Variants in CDH12 observed in about 807,000 individuals in gnomAD.
The protein encoded by CDH12 is cadherin 12.
In CDH12, 41 loss-of-function variants were observed where a neutral mutation model predicts 74.1. The ratio of observed to expected loss-of-function variants is 0.55; its 90% CI spans 0.43 to 0.72. The LOEUF (loss-of-function observed/expected upper bound fraction) is 0.72, where lower values mean the gene tolerates loss of function less well. Among genes scored for constraint, CDH12 ranks in the 30% least tolerant of loss-of-function variants. The pLI, the probability that CDH12 is intolerant of heterozygous loss-of-function variation, is 0.00. For missense variants in CDH12, 945 were observed against 977.2 expected, an observed-to-expected ratio of 0.97 and a Z score of 0.44; for synonymous variants, 399 against 355.0, an observed-to-expected ratio of 1.12 and a Z score of -1.39.
intron 3 of CDH12, among the ~76,000 whole-genome samples, chr5:22,391,656 T>A (rs1329201770): frequency 6.6e-6 from 1 of 152,162 alleles, no homozygotes; most frequent in Non-Finnish European, 1.5e-5. Flanking sequence ...ATAACTGATT[T>A]TTTTTTATGA....
intron 6 of CDH12, chr5:21,883,598 T>A: frequency 1.2e-6 from 2 of 1,603,398 alleles, no homozygotes; most frequent in Middle Eastern, 1.7e-4. Flanking sequence ...ATCTTGAAGA[T>A]GTTCAGCCTC....
At chr5:22,048,216 C>A (rs145564419) in intron 5 of CDH12, among the ~76,000 whole-genome samples, 1 of 152,248 alleles carries the variant, frequency 6.6e-6, no homozygotes, top group Admixed American at 6.5e-5. Context: ...CTAACTCTAT[C>A]TATTGCTTTC....
chr5:22,267,590 A>G (rs985497583), intron 3 of CDH12, among the ~76,000 whole-genome samples: 1 of 152,174 alleles, frequency 6.6e-6, no homozygotes, highest in Non-Finnish European at 1.5e-5. Flanking sequence ...AAAGTCCATG[A>G]ACTGATTCAA....
At chr5:21,854,063 A>G (rs1382459085) in intron 7 of CDH12, among the ~76,000 whole-genome samples, 1 of 151,698 alleles carries the variant, frequency 6.6e-6, no homozygotes, top group African/African-American at 2.4e-5. Context: ...AAAATATTCC[A>G]CATGCATAGC....
intron 3 of CDH12, among the ~76,000 whole-genome samples, chr5:22,274,828 G>T (rs997770707): frequency 3.9e-5 from 6 of 151,944 alleles, no homozygotes; most frequent in Non-Finnish European, 8.8e-5. Context: ...TATTTTAAAA[G>T]TTATATGCAT....
chr5:21,955,006 G>GTA (rs1249317421), intron 6 of CDH12, among the ~76,000 whole-genome samples: 44 of 152,090 alleles, frequency 2.9e-4, no homozygotes. Context: ...ATTGAGTAGA[G>GTA]TAGTAATACA....
Position 21,888,932 on chromosome 5 carries a change from G to T in CDH12, c.527-34142C>A, listed in dbSNP as rs968797844. Among the ~76,000 whole-genome samples the T allele has an allele frequency of 8.6e-5, 13 of 151,908 alleles. No individual in the cohort carries two copies. In the East Asian group the frequency reaches 2.5e-3, roughly 29 times the overall value. On this transcript the variant is annotated intron_variant, in intron 6 of 14. Transcript: ENST00000382254. ...TATCATTATAGATAAGGGCATGCTT[G>T]TATATACAAATAGGTGCATATTAGA...
chr5:22,259,561 T>A (rs1009971346), intron 3 of CDH12, among the ~76,000 whole-genome samples: 1 of 152,086 alleles, frequency 6.6e-6, no homozygotes, highest in African/African-American at 2.4e-5. Context: ...ATTATCAATT[T>A]TAAGTTTTAA....
chr5:22,071,999 A>G (rs561423559), intron 5 of CDH12, among the ~76,000 whole-genome samples: 1 of 152,022 alleles, frequency 6.6e-6, no homozygotes, highest in African/African-American at 2.4e-5. Context: ...ATTTTTCATT[A>G]TCTCTTCACC....
chr5:22,590,487 TA>T (rs1740645885), intron 1 of CDH12, among the ~76,000 whole-genome samples: 1 of 152,204 alleles, frequency 6.6e-6, no homozygotes, highest in South Asian at 2.1e-4. Flanking sequence ...AAACTGATTA[TA>T]CAGTTGAAAT....
At chr5:22,781,946 T>C (rs1293030315) in intron 1 of CDH12, among the ~76,000 whole-genome samples, 1 of 152,188 alleles carries the variant, frequency 6.6e-6, no homozygotes, top group Non-Finnish European at 1.5e-5. Context: ...TGACTGACTT[T>C]CTTGGTTTCC....
chr5:22,058,550 T>A (rs565208000), intron 5 of CDH12, among the ~76,000 whole-genome samples: 2 of 152,128 alleles, frequency 1.3e-5, no homozygotes, highest in South Asian at 4.1e-4. Context: ...TTTTTGTATA[T>A]AGATTACCGC....
intron 6 of CDH12, among the ~76,000 whole-genome samples, chr5:21,870,416 A>C (rs1179446122): frequency 6.6e-6 from 1 of 152,130 alleles, no homozygotes; most frequent in Non-Finnish European, 1.5e-5. Flanking sequence ...AAATGGCAGA[A>C]AAAAAGTGAT....
intron 2 of CDH12, among the ~76,000 whole-genome samples, chr5:22,437,367 A>T (rs1744440002): frequency 6.6e-6 from 1 of 151,936 alleles, no homozygotes; most frequent in Admixed American, 6.6e-5. Flanking sequence ...TTTTCAGTCT[A>T]TTATTTTTAA....
intron 1 of CDH12, among the ~76,000 whole-genome samples, chr5:22,695,688 T>A (rs542404303): frequency 1.3e-5 from 2 of 152,344 alleles, no homozygotes; most frequent in Admixed American, 6.5e-5. Context: ...GCAATTTTTT[T>A]ATTGTCACTT....
chr5:22,315,287 A>G (rs935328791), intron 3 of CDH12, among the ~76,000 whole-genome samples: 4 of 151,724 alleles, frequency 2.6e-5, no homozygotes, highest in Non-Finnish European at 4.4e-5. Context: ...TTTACACAAG[A>G]GAAAAGATCA....
intron 3 of CDH12, among the ~76,000 whole-genome samples, chr5:22,340,481 G>A (rs1020311989): frequency 3.4e-5 from 5 of 148,088 alleles, no homozygotes; most frequent in South Asian, 4.3e-4. Flanking sequence ...AGCCGAGATC[G>A]CACCACTGCA....
intron 1 of CDH12, chr5:22,639,093 G>A (rs1435440773): frequency 7.8e-6 from 1 of 127,926 alleles, no homozygotes; most frequent in African/African-American, 2.9e-5. Context: ...AAAAAAGAAT[G>A]CCTGGAGAAG....
intron 1 of CDH12, among the ~76,000 whole-genome samples, chr5:22,842,687 C>G (rs1737131060): frequency 6.6e-6 from 1 of 152,046 alleles, no homozygotes; most frequent in African/African-American, 2.4e-5. Flanking sequence ...AAATGTTAAA[C>G]TACTTGGATT....
Sources: gnomAD v4.1 joint callset for allele counts (sites outside exome capture counted in the v4.1 genomes callset) on GRCh38, gnomAD v4.1.1 for gene constraint, MANE v1.5 for transcripts, NCBI Gene and HGNC (gene_info 2026-07-23, HGNC 2026-07-21) for gene names.